The following ARMCX4 variants were observed in gnomAD, a reference collection of about 807,000 sequenced individuals.
The protein encoded by ARMCX4 is armadillo repeat-containing X-linked protein 4.
Under a neutral mutation model 34.7 loss-of-function variants are expected in ARMCX4, and 3 were observed. The observed-to-expected ratio is 0.09, with a 90% confidence interval of 0.04 to 0.22. ARMCX4 has a LOEUF of 0.22. Among genes scored for constraint, ARMCX4 ranks in the 10% least tolerant of loss-of-function variants. The pLI, the probability that ARMCX4 is intolerant of heterozygous loss-of-function variation, is 1.00. For missense variants in ARMCX4, 1,448 were observed against 1,720.8 expected (o/e 0.84, Z 2.81); for synonymous variants, 513 against 632.8 (o/e 0.81, Z 2.84).
At chrX:101,528,589 A>G (rs932470182) in intron 11 of ARMCX4, among the ~76,000 whole-genome samples, 25 of 111,116 alleles carry the variant, frequency 2.2e-4, no homozygotes, top group Admixed American at 2.1e-3. Flanking sequence ...AAACCCCATC[A>G]TCTCAGCCCA....
At chrX:101,438,033 G>T (rs1930930881) in intron 2 of ARMCX4, among the ~76,000 whole-genome samples, 1 of 111,673 alleles carries the variant, frequency 9.0e-6, no homozygotes, top group South Asian at 3.7e-4. Context: ...TAACAAACTT[G>T]TTATAATTTC....
At chrX:101,438,439 C>A (rs1267223637) in intron 2 of ARMCX4, among the ~76,000 whole-genome samples, 1 of 110,851 alleles carries the variant, frequency 9.0e-6, no homozygotes, top group Non-Finnish European at 1.9e-5. Context: ...GTGGTGGGCA[C>A]CTGTAGTCCC....
Position 101,495,672 on chromosome X carries a change from A to G in ARMCX4, c.*210A>G, listed in dbSNP as rs1388027961. On this transcript the variant is annotated 3_prime_UTR_variant, in exon 6 of 6. Coordinates refer to ENST00000423738, the MANE Select transcript of ARMCX4 (RefSeq NM_001256155.3). ...TTGTCTGGATTGAGATATTTTTAGTATGCTTCATGAGCAGAAACTGAATGG... is the reference window on the plus strand; with the variant it reads ...TTGTCTGGATTGAGATATTTTTAGTGTGCTTCATGAGCAGAAACTGAATGG... 5.9e-6 allele frequency: 2 copies of G among 338,020 alleles called. No homozygotes were observed. The highest frequency in any genetic ancestry group is 1.0e-5 in the Non-Finnish European group (2 of 200,596). 27.9% of individuals were successfully genotyped at this position (338,020 alleles called of 1,213,427 possible).
At chrX:101,467,310 C>T (rs1194719766) in intron 4 of ARMCX4, among the ~76,000 whole-genome samples, 4 of 110,766 alleles carry the variant, frequency 3.6e-5, no homozygotes, top group East Asian at 5.7e-4. Flanking sequence ...CCACCATGCC[C>T]GGCTAATTTT....
At chrX:101,444,935 A>G (rs5991937) in intron 3 of ARMCX4, among the ~76,000 whole-genome samples, 1 of 111,687 alleles carries the variant, frequency 9.0e-6, no homozygotes, top group South Asian at 3.8e-4. Context: ...ACAGAAGGAC[A>G]TACTGCTTGC....
intron 2 of ARMCX4, among the ~76,000 whole-genome samples, chrX:101,441,124 G>A (rs1014971078): frequency 6.3e-5 from 7 of 110,943 alleles, no homozygotes; most frequent in African/African-American, 2.0e-4. Context: ...TCCACCCCCC[G>A]GGACTAACAT....
At chrX:101,499,841 A>G (rs1934258471), downstream of ARMCX4, among the ~76,000 whole-genome samples, 1 of 111,957 alleles carries the variant, frequency 8.9e-6, no homozygotes, top group Admixed American at 9.4e-5. Context: ...TCTGCACTCT[A>G]TACAATCAAA....
intron 2 of ARMCX4, among the ~76,000 whole-genome samples, chrX:101,486,749 G>A (rs1271442109): frequency 9.1e-6 from 1 of 109,999 alleles, no homozygotes; most frequent in East Asian, 2.8e-4. Flanking sequence ...GCAACATAGC[G>A]AGACTTCATC....
chrX:101,447,976 C>T (rs552647215), downstream of ARMCX4: 1 of 111,580 alleles, frequency 9.0e-6, no homozygotes, highest in African/African-American at 3.3e-5. Flanking sequence ...TAACCATTCC[C>T]ACTTCCTCCC....
intron 11 of ARMCX4, among the ~76,000 whole-genome samples, chrX:101,514,934 T>C (rs1934675263): frequency 8.9e-6 from 1 of 111,941 alleles, no homozygotes; most frequent in Non-Finnish European, 1.9e-5. Flanking sequence ...TCTACCCATA[T>C]GTTCTCATTT....
chrX:101,496,239 G>A (rs782399942), downstream of ARMCX4, among the ~76,000 whole-genome samples: 13 of 110,411 alleles, frequency 1.2e-4, no homozygotes, highest in Admixed American at 6.8e-4. Flanking sequence ...CCACCCCTGG[G>A]AGACATCAAG....
intron 2 of ARMCX4, among the ~76,000 whole-genome samples, chrX:101,430,591 C>T (rs1188911043): frequency 3.6e-5 from 4 of 112,310 alleles, no homozygotes; most frequent in Non-Finnish European, 7.5e-5. Flanking sequence ...CTGTCTTAGC[C>T]CCATTGCAGT....
Position 101,492,214 on chromosome X carries a change from G to A in ARMCX4, c.3625G>A (p.Gly1209Arg), listed in dbSNP as rs1249247431. 1 of 1,138,571 alleles carries A rather than the reference G, an allele frequency of 8.8e-7. No homozygotes were observed. Among genetic ancestry groups the A allele is most frequent in the African/African-American group, 1.8e-5 (1 of 54,363 alleles). The allele number at this position is 1,138,571 out of a possible 1,213,427, so 93.8% of individuals were successfully genotyped here. A position where few individuals can be genotyped will look rare whatever the true frequency, so the allele number is the denominator to read the frequency against. Residue 1209 changes from glycine (G) to arginine (R), a missense_variant, in exon 6 of 6, where the codon GGA (glycine) becomes AGA (arginine). Around this residue, in one of 2 missense-constraint regions of ARMCX4, gnomAD observed 1,343 missense variants for 1,540.7 expected, o/e 0.87. Coordinates refer to ENST00000423738, the MANE Select transcript of ARMCX4 (RefSeq NM_001256155.3). ...EGTWAGDKAS[G>R]GAWTGAENQA... The stretch of plus-strand genomic sequence containing the variant: ...GACCTGGGCTGGGGACAAGGCCAGT[G>A]GAGGAGCCTGGACTGGGGCTGAGAA...
Position 101,489,776 on chromosome X carries a change from T to A in ARMCX4, c.1187T>A (p.Met396Lys). The A allele has an allele frequency of 2.6e-6, 3 of 1,155,397 alleles. No homozygotes were observed. Among genetic ancestry groups the A allele is most frequent in the Non-Finnish European group, 3.4e-6 (3 of 872,770 alleles). The change falls in exon 6 of 6, where the codon ATG becomes AAG. Residue 396 changes from methionine to lysine, a missense_variant. This residue lies in a region of ARMCX4 where 1,343 missense variants were observed against 1,540.7 expected (regional missense o/e 0.87). Transcript: ENST00000423738. ...TCTAAGGCAATAACTGGAGCTGACA[T>A]GAGAGCTGCTGCTCAGCCTCAAGCT... The part of the protein sequence containing the change: ...VISKAITGAD[M>K]RAAAQPQAVA...
downstream of ARMCX4, among the ~76,000 whole-genome samples, chrX:101,449,736 G>A (rs1367029031): frequency 8.9e-6 from 1 of 111,785 alleles, no homozygotes; most frequent in Non-Finnish European, 1.9e-5. Flanking sequence ...TTTGTACGGT[G>A]AGGTCGTGTT....
rs1418694844 is a variant in ARMCX4 at position 101,491,720 on chromosome X, C to A, written c.3131C>A (p.Ala1044Glu). The stretch of plus-strand genomic sequence containing the variant: ...TCCCAGGGTGAGACCTTGCCTGGGG[C>A]AAGGGACAAGTCTATGTCCACTTCT... ...AGSQGETLPG[A>E]RDKSMSTSEA... Residue 1044 changes from alanine (A) to glutamate (E), a missense_variant, in exon 6 of 6, where the codon GCA (alanine) becomes GAA (glutamate). Around this residue, in one of 2 missense-constraint regions of ARMCX4, gnomAD observed 1,343 missense variants for 1,540.7 expected, o/e 0.87. Coordinates refer to ENST00000423738, the MANE Select transcript of ARMCX4 (RefSeq NM_001256155.3). 6 of 1,155,410 alleles carry A rather than the reference C, an allele frequency of 5.2e-6. No individual in the cohort carries two copies. Among genetic ancestry groups the A allele is most frequent in the Non-Finnish European group, 6.9e-6 (6 of 872,600 alleles).
intron 11 of ARMCX4, among the ~76,000 whole-genome samples, chrX:101,530,663 A>G (rs782804237): frequency 1.1e-3 from 124 of 111,918 alleles, no homozygotes; most frequent in African/African-American, 3.9e-3. Context: ...AAAGAAAAGA[A>G]TTGCCAACCC....
intron 2 of ARMCX4, among the ~76,000 whole-genome samples, chrX:101,430,738 C>G (rs782295753): frequency 8.9e-6 from 1 of 112,030 alleles, no homozygotes; most frequent in Non-Finnish European, 1.9e-5. Context: ...TTTGTTCATT[C>G]ATTCAACAGA....
rs1556007916 is a variant in ARMCX4, at chrX:101,489,388, A to G, written c.799A>G (p.Met267Val). 4 of 1,153,723 alleles carry G rather than the reference A, an allele frequency of 3.5e-6. No homozygotes were observed. Among genetic ancestry groups the G allele is most frequent in the Non-Finnish European group, 4.6e-6 (4 of 872,512 alleles). ...TGATGCTAGGGGAAATCCCAATGGCATGTCCAGGGAGGTGGCTGGAGTGGA... is the reference window on the plus strand; with the variant it reads ...TGATGCTAGGGGAAATCCCAATGGCGTGTCCAGGGAGGTGGCTGGAGTGGA... Reference protein sequence around the residue: ...TVDARGNPNGMSREVAGVDMK... With the variant: ...TVDARGNPNGVSREVAGVDMK... Residue 267 changes from methionine to valine, a missense_variant, in exon 6 of 6, where the codon ATG becomes GTG. By Grantham distance (21) the Met-to-Val change is conservative. Coordinates refer to ENST00000423738, the MANE Select transcript of ARMCX4 (RefSeq NM_001256155.3).
Sources: allele counts gnomAD v4.1 joint callset (sites outside exome capture counted in the v4.1 genomes callset), GRCh38; gene constraint gnomAD v4.1.1; regional missense constraint gnomAD v4.1.1; transcripts MANE v1.5; gene names NCBI Gene and HGNC (gene_info 2026-07-23, HGNC 2026-07-21).